The following BABAM2 variants were observed in gnomAD, a reference collection of about 807,000 sequenced individuals.
The protein encoded by BABAM2 is BRISC and BRCA1-A complex member 2.
A neutral mutation model predicts 54.7 loss-of-function variants in BABAM2; 31 were observed. That is an observed-to-expected ratio of 0.57 (90% CI 0.43 to 0.77). BABAM2 has a LOEUF of 0.77. Ranked by LOEUF, BABAM2 falls within the 30% of genes least tolerant of loss-of-function variation. BABAM2 has a pLI of 0.00. For missense variants in BABAM2, 364 were observed against 455.8 expected (o/e 0.80, Z 1.83); for synonymous variants, 167 against 162.9 (o/e 1.03, Z -0.19).
At chr2:28,227,859 C>A (rs1681033945) in intron 7 of BABAM2, among the ~76,000 whole-genome samples, 1 of 152,210 alleles carries the variant, frequency 6.6e-6, no homozygotes, top group Admixed American at 6.5e-5. Context: ...GCTGAATAAA[C>A]CTAGTAAATT....
intron 7 of BABAM2, among the ~76,000 whole-genome samples, chr2:28,144,947 G>T (rs146708239): frequency 6.6e-6 from 1 of 152,334 alleles, no homozygotes; most frequent in East Asian, 1.9e-4. Flanking sequence ...CCGGACCATG[G>T]AGGTCACACA....
At chr2:28,272,363 C>CA (rs1685490048) in intron 10 of BABAM2, among the ~76,000 whole-genome samples, 2 of 152,272 alleles carry the variant, frequency 1.3e-5, no homozygotes, top group Non-Finnish European at 2.9e-5. Context: ...ATCCTTTAGG[C>CA]AAAATCCTTT....
At chr2:28,241,963 A>T (rs1015259909) in intron 9 of BABAM2, among the ~76,000 whole-genome samples, 1 of 150,506 alleles carries the variant, frequency 6.6e-6, no homozygotes, top group African/African-American at 2.5e-5. Flanking sequence ...AACAGTAGTA[A>T]TGGTGGTAAC....
chr2:28,336,557 G>C (rs1691483716), intron 11 of BABAM2, among the ~76,000 whole-genome samples: 1 of 152,194 alleles, frequency 6.6e-6, no homozygotes, highest in African/African-American at 2.4e-5. Context: ...CGAAGGAGGG[G>C]CAGGGAGAGG....
intron 3 of BABAM2, among the ~76,000 whole-genome samples, chr2:27,930,648 C>T (rs1447215296): frequency 1.3e-5 from 2 of 152,204 alleles, no homozygotes; most frequent in East Asian, 1.9e-4. Context: ...CTGAATGTGT[C>T]TGTGGGCTGG....
At chr2:27,960,217 A>G (rs1174290070) in intron 3 of BABAM2, among the ~76,000 whole-genome samples, 3 of 152,044 alleles carry the variant, frequency 2.0e-5, no homozygotes, top group African/African-American at 7.2e-5. Context: ...AGTTTTTTTC[A>G]TGAATTCCAC....
rs115634486 is a variant in BABAM2, at chr2:28,166,368, G to A, written c.680+36988G>A. On this transcript the variant is annotated intron_variant, in intron 7 of 11. Transcript: ENST00000379624. ...GTCTAGGTCATGATAATAAGGTTGA[G>A]TGACCAAAAACTACTCTAGCGAGTT... 4.6e-3 allele frequency among the ~76,000 whole-genome samples: 695 copies of A among 152,254 alleles called. 3 individuals carry two copies. The highest frequency in any genetic ancestry group is 0.016 in the African/African-American group (668 of 41,540).
At chr2:28,184,796 T>A (rs1263600534) in intron 7 of BABAM2, among the ~76,000 whole-genome samples, 1 of 152,252 alleles carries the variant, frequency 6.6e-6, no homozygotes, top group Non-Finnish European at 1.5e-5. Context: ...TGTGCATGTG[T>A]CTTTATAGCA....
chr2:28,022,885 C>T (rs905053543), intron 4 of BABAM2, among the ~76,000 whole-genome samples: 1 of 152,308 alleles, frequency 6.6e-6, no homozygotes, highest in Admixed American at 6.5e-5. Flanking sequence ...AAAATATGCC[C>T]TATTCTTAGG....
At chr2:28,041,393 C>T (rs796773078) in intron 5 of BABAM2, among the ~76,000 whole-genome samples, 4 of 152,270 alleles carry the variant, frequency 2.6e-5, no homozygotes, top group African/African-American at 9.6e-5. Flanking sequence ...AATTCCCTTC[C>T]CCAAACTCTT....
intron 4 of BABAM2, chr2:28,013,351 G>C (rs1674538620): frequency 2.2e-6 from 1 of 455,560 alleles, no homozygotes; most frequent in African/African-American, 2.0e-5. Flanking sequence ...TCTGTTAGTT[G>C]GAAGTTTGGC....
intron 7 of BABAM2, among the ~76,000 whole-genome samples, chr2:28,136,937 G>A (rs180838693): frequency 5.3e-5 from 8 of 152,060 alleles, no homozygotes; most frequent in Admixed American, 4.6e-4. Flanking sequence ...GATCAAATAC[G>A]TTTTTTAAAA....
chr2:28,112,361 C>G (rs1668210631), intron 6 of BABAM2, among the ~76,000 whole-genome samples: 1 of 151,430 alleles, frequency 6.6e-6, no homozygotes, highest in East Asian at 1.9e-4. Context: ...TCCCCTAGCC[C>G]CCTACCCCCT....
intron 4 of BABAM2, chr2:28,015,629 G>C (rs1246561122): frequency 3.5e-6 from 2 of 571,644 alleles, no homozygotes; most frequent in South Asian, 2.3e-5. Flanking sequence ...AATAGTCCAG[G>C]AATAATTCTA....
chr2:28,051,588 A>G (rs897724740), intron 6 of BABAM2, among the ~76,000 whole-genome samples: 16 of 152,162 alleles, frequency 1.1e-4, no homozygotes, highest in African/African-American at 1.9e-4. Flanking sequence ...GGAGAATCCA[A>G]TGGAAGAGAA....
At chr2:28,183,375 A>G (rs1411631535) in intron 7 of BABAM2, among the ~76,000 whole-genome samples, 1 of 152,176 alleles carries the variant, frequency 6.6e-6, no homozygotes, top group African/African-American at 2.4e-5. Flanking sequence ...TGGGAGGCAG[A>G]GGTTGCAGTG....
intron 7 of BABAM2, among the ~76,000 whole-genome samples, chr2:28,166,326 G>C (rs1037508294): frequency 5.3e-5 from 8 of 152,190 alleles, no homozygotes; most frequent in Admixed American, 2.0e-4. Context: ...TGCAGTAGGA[G>C]AGTAGGAGCT....
chr2:28,002,309 T>C (rs1209950394), intron 4 of BABAM2, among the ~76,000 whole-genome samples: 1 of 152,158 alleles, frequency 6.6e-6, no homozygotes, highest in Non-Finnish European at 1.5e-5. Context: ...AGACTTGTCT[T>C]GACTTTCCTC....
At chr2:28,326,885 C>G (rs1690506553) in intron 11 of BABAM2, among the ~76,000 whole-genome samples, 1 of 151,700 alleles carries the variant, frequency 6.6e-6, no homozygotes. Flanking sequence ...TCCCCTTCCC[C>G]TTCCTTGTAA....
Sources: gnomAD v4.1 joint callset for allele counts (sites outside exome capture counted in the v4.1 genomes callset) on GRCh38, gnomAD v4.1.1 for gene constraint, MANE v1.5 for transcripts, NCBI Gene and HGNC (gene_info 2026-07-23, HGNC 2026-07-21) for gene names.